CSMD3: variants seen among roughly 807,000 people sequenced by gnomAD.
The protein encoded by CSMD3 is CUB and Sushi multiple domains 3.
Under a neutral mutation model 435.2 loss-of-function variants are expected in CSMD3, and 177 were observed. The ratio of observed to expected loss-of-function variants is 0.41; its 90% CI spans 0.36 to 0.46. The LOEUF (loss-of-function observed/expected upper bound fraction) is 0.46, where lower values mean the gene tolerates loss of function less well. CSMD3 is among the 20% of genes least tolerant of loss of function. The pLI is 0.34. For synonymous variants in CSMD3, 1,656 were observed against 1,520.5 expected (o/e 1.09, Z -2.07); for missense variants, 4,265 against 4,504.6 (o/e 0.95, Z 1.52).
chr8:113,341,234 G>T (rs72670770), intron 1 of CSMD3, among the ~76,000 whole-genome samples: 15,838 of 152,032 alleles, frequency 0.1, 963 homozygotes, highest in Middle Eastern at 0.17. Context: ...GCCTCTCGTA[G>T]CTATTTTTTA....
At chr8:112,943,278 GTTCT>G (rs1369846127) in intron 9 of CSMD3, among the ~76,000 whole-genome samples, 1 of 151,580 alleles carries the variant, frequency 6.6e-6, no homozygotes, top group African/African-American at 2.4e-5. Flanking sequence ...TCTGTGGAAT[GTTCT>G]TTCTTTGTCT....
chr8:112,996,127 C>A (rs923662769), intron 6 of CSMD3, among the ~76,000 whole-genome samples: 1 of 151,254 alleles, frequency 6.6e-6, no homozygotes, highest in African/African-American at 2.4e-5. Context: ...ACTTAAAAAT[C>A]TACTTTCTTA....
chr8:112,554,587 G>T (rs1023462921), intron 25 of CSMD3, among the ~76,000 whole-genome samples: 1 of 151,670 alleles, frequency 6.6e-6, no homozygotes, highest in Non-Finnish European at 1.5e-5. Flanking sequence ...GCACTATATT[G>T]CATCTTGAAC....
At chr8:113,300,595 C>A (rs918386604) in intron 2 of CSMD3, among the ~76,000 whole-genome samples, 47 of 152,102 alleles carry the variant, frequency 3.1e-4, no homozygotes, top group African/African-American at 1.0e-3. Context: ...GAACAGAAAA[C>A]CAAATACCAC....
chr8:112,877,401 G>T (rs548256816), intron 10 of CSMD3, among the ~76,000 whole-genome samples: 1 of 151,858 alleles, frequency 6.6e-6, no homozygotes, highest in Non-Finnish European at 1.5e-5. Flanking sequence ...TGAGTAGCTG[G>T]AATAACAGGT....
At chr8:112,320,043 A>T in intron 45 of CSMD3, 62 bp from the exon 46 acceptor site, 1 of 1,014,722 alleles carries the variant, frequency 9.9e-7, no homozygotes, top group South Asian at 1.4e-5. Context: ...CACATATGCA[A>T]AAAAACAAGA....
chr8:112,496,044 A>G (rs1586516217), intron 30 of CSMD3, among the ~76,000 whole-genome samples: 1 of 151,960 alleles, frequency 6.6e-6, no homozygotes, highest in African/African-American at 2.4e-5. Context: ...ATCTCGGCTC[A>G]CTGCAAGCTC....
intron 1 of CSMD3, among the ~76,000 whole-genome samples, chr8:113,320,387 C>T (rs189124032): frequency 3.9e-4 from 60 of 152,222 alleles, no homozygotes; most frequent in South Asian, 2.5e-3. Flanking sequence ...CAAAAAACAT[C>T]ATGCCCATAT....
chr8:112,488,481 T>C (rs140137664), intron 31 of CSMD3, among the ~76,000 whole-genome samples: 53 of 152,240 alleles, frequency 3.5e-4, no homozygotes, highest in African/African-American at 1.3e-3. Context: ...AAATAAAGAA[T>C]AAACAAAGAA....
intron 59 of CSMD3, among the ~76,000 whole-genome samples, chr8:112,270,170 T>C (rs1441011724): frequency 6.6e-6 from 1 of 152,216 alleles, no homozygotes; most frequent in Non-Finnish European, 1.5e-5. Flanking sequence ...AAGTTTATGC[T>C]TTTACCAACA....
At chr8:112,305,785 T>G (rs1586718958) in intron 51 of CSMD3, among the ~76,000 whole-genome samples, 1 of 152,248 alleles carries the variant, frequency 6.6e-6, no homozygotes, top group Non-Finnish European at 1.5e-5. Context: ...AAAAGTGCCT[T>G]TTTTGACATA....
chr8:112,571,130 C>T (rs1446647722), intron 24 of CSMD3, among the ~76,000 whole-genome samples: 1 of 152,148 alleles, frequency 6.6e-6, no homozygotes, highest in Non-Finnish European at 1.5e-5. Flanking sequence ...GCCTCACCCT[C>T]CCTAGTAGCT....
chr8:112,371,523 T>C (rs1354031835), intron 38 of CSMD3, among the ~76,000 whole-genome samples: 1 of 152,072 alleles, frequency 6.6e-6, no homozygotes, highest in Non-Finnish European at 1.5e-5. Context: ...TAACCTGACT[T>C]CCAGCCCCCA....
chr8:112,426,058 T>C (rs778532165), intron 32 of CSMD3, among the ~76,000 whole-genome samples: 3 of 152,142 alleles, frequency 2.0e-5, no homozygotes, highest in Non-Finnish European at 2.9e-5. Context: ...TGTTCCATCA[T>C]ATACTGTCTG....
Position 112,535,872 on chromosome 8 carries a change from C to T in CSMD3, c.4564+14799G>A, listed in dbSNP as rs576401665. Among the ~76,000 whole-genome samples the T allele has an allele frequency of 4.0e-3, 601 of 151,918 alleles. 1 individual carries two copies. Among genetic ancestry groups the T allele is most frequent in the African/African-American group, 0.014 (570 of 41,448 alleles). On this transcript the variant is annotated intron_variant, in intron 27 of 70. Coordinates refer to ENST00000297405, the MANE Select transcript of CSMD3 (RefSeq NM_198123.2). ...GAGCCCTCAGAAATAATGCCACATA[C>T]CTACAACTATCTGATCTTTGACAAA...
intron 3 of CSMD3, among the ~76,000 whole-genome samples, chr8:113,239,677 G>A (rs1173572860): frequency 3.3e-5 from 5 of 152,040 alleles, no homozygotes; most frequent in Non-Finnish European, 7.4e-5. Context: ...GGGTGGAGAG[G>A]TTTGGAGTTT....
intron 38 of CSMD3, among the ~76,000 whole-genome samples, chr8:112,373,001 T>TA (rs376375703): frequency 0.39 from 55,436 of 143,436 alleles, 12,241 homozygotes; most frequent in Middle Eastern, 0.54. Flanking sequence ...ATTTTATATA[T>TA]AAAAATATAT....
chr8:113,089,338 A>T (rs2089921066), intron 5 of CSMD3, among the ~76,000 whole-genome samples: 1 of 151,666 alleles, frequency 6.6e-6, no homozygotes, highest in Non-Finnish European at 1.5e-5. Context: ...CACTTAACAA[A>T]GGCAATTGTT....
At chr8:113,216,910 A>G (rs2092912325) in intron 3 of CSMD3, among the ~76,000 whole-genome samples, 1 of 151,890 alleles carries the variant, frequency 6.6e-6, no homozygotes, top group South Asian at 2.1e-4. Context: ...GAAATTAGTC[A>G]AAGCCTAAGA....
Sources: gnomAD v4.1 joint callset for allele counts (sites outside exome capture counted in the v4.1 genomes callset) on GRCh38, gnomAD v4.1.1 for gene constraint, MANE v1.5 for transcripts, NCBI Gene and HGNC (gene_info 2026-07-23, HGNC 2026-07-21) for gene names.